The following ME3 variants were observed in gnomAD, a reference collection of about 807,000 sequenced individuals.
ME3 encodes the protein NADP-dependent malic enzyme, mitochondrial.
A neutral mutation model predicts 68.9 loss-of-function variants in ME3; 48 were observed. The ratio of observed to expected loss-of-function variants is 0.70; its 90% CI spans 0.55 to 0.89. The LOEUF is 0.89. Among genes scored for constraint, ME3 ranks in the 40% least tolerant of loss-of-function variants. The probability of loss-of-function intolerance (pLI) is 0.00; values close to 1 mark genes in which losing one functional copy is unlikely to be tolerated. For synonymous variants in ME3, 320 were observed against 318.8 expected, an observed-to-expected ratio of 1.00 and a Z score of -0.04; for missense variants, 675 against 797.4, an observed-to-expected ratio of 0.85 and a Z score of 1.85.
At chr11:86,638,885 G>A (rs1357639980) in intron 2 of ME3, among the ~76,000 whole-genome samples, 4 of 152,028 alleles carry the variant, frequency 2.6e-5, no homozygotes, top group Non-Finnish European at 5.9e-5. Flanking sequence ...TTACTCCCCC[G>A]ACTTGCCTCC....
chr11:86,447,191 TGCGATG>T, exon 12 of ME3: 3 of 1,614,102 alleles, frequency 1.9e-6, no homozygotes, highest in Non-Finnish European at 2.5e-6. Flanking sequence ...TGAAGGCTCC[TGCGATG>T]GCAGCAACAC....
intron 2 of ME3, among the ~76,000 whole-genome samples, chr11:86,656,843 G>A (rs1255831350): frequency 7.0e-6 from 1 of 142,570 alleles, no homozygotes; most frequent in African/African-American, 2.5e-5. Flanking sequence ...CACTAATGCG[G>A]CTGATAAACA....
At chr11:86,647,808 G>A (rs7935437) in intron 2 of ME3, among the ~76,000 whole-genome samples, 29,524 of 151,944 alleles carry the variant, frequency 0.19, 3,649 homozygotes, top group East Asian at 0.56. Context: ...AATAATAGTG[G>A]GAGACTTTAA....
At chr11:86,510,551 C>T (rs1430798759) in intron 4 of ME3, among the ~76,000 whole-genome samples, 2 of 152,144 alleles carry the variant, frequency 1.3e-5, no homozygotes, top group East Asian at 1.9e-4. Context: ...TATAGACCAG[C>T]GTTTCTCACC....
At chr11:86,544,479 A>G (rs1956243579) in intron 4 of ME3, among the ~76,000 whole-genome samples, 1 of 152,240 alleles carries the variant, frequency 6.6e-6, no homozygotes, top group African/African-American at 2.4e-5. Context: ...AGATATCACC[A>G]CTGATTCCAT....
chr11:86,604,428 T>C (rs1961298920), intron 2 of ME3, among the ~76,000 whole-genome samples: 1 of 152,062 alleles, frequency 6.6e-6, no homozygotes, highest in East Asian at 1.9e-4. Flanking sequence ...TTACACTACA[T>C]AGGGTTGTCT....
chr11:86,467,693 T>A (rs61527386), intron 7 of ME3, among the ~76,000 whole-genome samples: 94,476 of 142,648 alleles, frequency 0.66, 31,103 homozygotes, highest in South Asian at 0.71. Context: ...TCTCTCTCTC[T>A]CACACACACA....
intron 4 of ME3, among the ~76,000 whole-genome samples, chr11:86,551,402 AGAGT>A (rs1463015565): frequency 1.3e-5 from 2 of 151,930 alleles, no homozygotes; most frequent in African/African-American, 4.8e-5. Context: ...CCCAAGTGTG[AGAGT>A]GTGTGTGTGC....
At chr11:86,528,766 T>C (rs1420621974) in intron 4 of ME3, among the ~76,000 whole-genome samples, 1 of 151,528 alleles carries the variant, frequency 6.6e-6, no homozygotes, top group Non-Finnish European at 1.5e-5. Context: ...ACTAGGTACA[T>C]AACAAAATGA....
Position 86,518,063 on chromosome 11 carries a change from T to TG in ME3, c.468-9197dup, listed in dbSNP as rs199503098. On this transcript the variant is annotated intron_variant, in intron 4 of 14. Coordinates refer to ENST00000543262, the Ensembl canonical transcript of ME3. Reference sequence around the variant, plus strand: ...GATATTGGTTACTTATGGTAGAGAGTGGAAAAACACCCAAACCTTTTCTGA... The same window carrying TG: ...GATATTGGTTACTTATGGTAGAGAGTGGGAAAAACACCCAAACCTTTTCTGA... Among the ~76,000 whole-genome samples, 731 of 152,218 alleles carry TG rather than the reference T, an allele frequency of 4.8e-3. 7 individuals are homozygous for TG. The highest frequency in any genetic ancestry group is 0.017 in the African/African-American group (698 of 41,538).
intron 2 of ME3, among the ~76,000 whole-genome samples, chr11:86,599,420 G>A (rs931225728): frequency 3.3e-5 from 5 of 152,230 alleles, no homozygotes; most frequent in South Asian, 2.1e-4. Flanking sequence ...AAAAAGAAAC[G>A]AACAAAGCCT....
In ME3 at chr11:86,653,870, G is replaced by T. The variant is rs533172495; in HGVS notation, c.183+17892C>A. 7.2e-5 allele frequency among the ~76,000 whole-genome samples: 11 copies of T among 152,170 alleles called. No individual in the cohort carries two copies. The South Asian group carries it at 2.3e-3, about 32-fold the overall frequency. On this transcript the variant is annotated intron_variant, in intron 2 of 14. Coordinates refer to ENST00000543262, the Ensembl canonical transcript of ME3. Reference sequence around the variant, plus strand: ...CTAGCAAGACTAATAAAGAAGAAAAGAGAGAAGAATCAAGTAGAGGCAATA... The same window carrying T: ...CTAGCAAGACTAATAAAGAAGAAAATAGAGAAGAATCAAGTAGAGGCAATA...
intron 4 of ME3, among the ~76,000 whole-genome samples, chr11:86,516,351 ATCTC>A (rs138871212): frequency 2.3e-3 from 310 of 134,320 alleles, no homozygotes; most frequent in Middle Eastern, 7.4e-3. Flanking sequence ...AGTAAATAAA[ATCTC>A]TCTCTCTCTC....
chr11:86,522,165 G>A (rs190418858), intron 4 of ME3, among the ~76,000 whole-genome samples: 177 of 152,210 alleles, frequency 1.2e-3, no homozygotes, highest in African/African-American at 4.1e-3. Context: ...TAGGAGAATT[G>A]CTTGAACTCG....
At chr11:86,553,642 G>T (rs181571391) in intron 4 of ME3, among the ~76,000 whole-genome samples, 1 of 152,186 alleles carries the variant, frequency 6.6e-6, no homozygotes. Context: ...CAACGTATTC[G>T]AGAAGTCTGA....
At chr11:86,651,790 T>G (rs995544560) in intron 2 of ME3, among the ~76,000 whole-genome samples, 3 of 152,024 alleles carry the variant, frequency 2.0e-5, no homozygotes, top group Non-Finnish European at 2.9e-5. Flanking sequence ...GATGATCAAA[T>G]GACTCCGAAC....
chr11:86,451,052 G>T (rs1169402363), intron 8 of ME3, among the ~76,000 whole-genome samples: 3 of 152,248 alleles, frequency 2.0e-5, no homozygotes, highest in African/African-American at 7.2e-5. Flanking sequence ...ACAAGTTGTT[G>T]TGAATAAATG....
intron 2 of ME3, among the ~76,000 whole-genome samples, chr11:86,576,745 T>C (rs557005986): frequency 2.2e-4 from 34 of 152,182 alleles, no homozygotes; most frequent in Non-Finnish European, 4.7e-4. Flanking sequence ...GTGTGCTTCT[T>C]CATTCAGGGC....
chr11:86,458,392 C>T (rs1475646453), intron 8 of ME3, among the ~76,000 whole-genome samples: 1 of 152,208 alleles, frequency 6.6e-6, no homozygotes, highest in Non-Finnish European at 1.5e-5. Context: ...CCTGGACTCT[C>T]TAGAGGGCAC....
Sources: allele counts gnomAD v4.1 joint callset (sites outside exome capture counted in the v4.1 genomes callset), GRCh38; gene constraint gnomAD v4.1.1; transcripts MANE v1.5; gene names NCBI Gene and HGNC (gene_info 2026-07-23, HGNC 2026-07-21).